The following CLEC16A variants were observed in gnomAD, a reference collection of about 807,000 sequenced individuals.
CLEC16A encodes the protein protein CLEC16A.
A neutral mutation model predicts 109.5 loss-of-function variants in CLEC16A; 51 were observed. The ratio of observed to expected loss-of-function variants is 0.47; its 90% CI spans 0.37 to 0.59. CLEC16A has a LOEUF of 0.59. CLEC16A is among the 20% of genes least tolerant of loss of function. The pLI is 0.00. For missense variants in CLEC16A, 1,339 were observed against 1,394.0 expected, an observed-to-expected ratio of 0.96 and a Z score of 0.63; for synonymous variants, 673 against 564.2, an observed-to-expected ratio of 1.19 and a Z score of -2.73.
rs1267001934 is a variant in CLEC16A, at chr16:11,181,350, C to T, written c.*2660C>T. ...CCACAGTGGGGGCTGTGGCTTCTGA[C>T]ACTCAGGTCATAGCCTCAGAGGTCT... On this transcript the variant is annotated 3_prime_UTR_variant, in exon 24 of 24. Transcript: ENST00000409790. 1 of 152,362 alleles carries T rather than the reference C, an allele frequency of 6.6e-6. No individual in the cohort carries two copies. The highest frequency in any genetic ancestry group is 2.4e-5 in the African/African-American group (1 of 41,452). The allele number at this position is 152,362 out of a possible 1,614,324, so 9.4% of individuals were successfully genotyped here.
chr16:10,978,607 C>G (rs915472696), intron 8 of CLEC16A, among the ~76,000 whole-genome samples: 1 of 152,180 alleles, frequency 6.6e-6, no homozygotes, highest in Admixed American at 6.5e-5. Flanking sequence ...AGACTCCTTT[C>G]AAAGCACGCT....
chr16:11,003,148 G>A lies in CLEC16A; in HGVS notation c.1146G>A (p.Lys382=). ...LERSLEMNKH[K]GKRRVQKRPN... ...GGTCCCTTGAGATGAACAAGCACAA[G>A]GGCAAGAGGCGGGTGCAAAAGAGAC... Residue 382 remains lysine (K), a synonymous_variant, in exon 11 of 24, where the codon AAG becomes AAA. Transcript: ENST00000409790. 6.2e-7 allele frequency: 1 copy of A among 1,613,384 alleles called. No individual in the cohort carries two copies. Among genetic ancestry groups the A allele is most frequent in the Admixed American group, 1.7e-5 (1 of 59,946 alleles).
intron 3 of CLEC16A, among the ~76,000 whole-genome samples, chr16:10,966,549 C>T (rs778501442): frequency 6.6e-6 from 1 of 152,118 alleles, no homozygotes; most frequent in African/African-American, 2.4e-5. Context: ...GTGTTTTATA[C>T]GTAGATATAC....
chr16:11,082,789 CTT>C (rs1162217140), intron 19 of CLEC16A, among the ~76,000 whole-genome samples: 4 of 152,216 alleles, frequency 2.6e-5, no homozygotes, highest in South Asian at 2.1e-4. Flanking sequence ...AATTTTAAAA[CTT>C]CCATATTTGG....
intron 1 of CLEC16A, among the ~76,000 whole-genome samples, chr16:10,956,010 CTTGAGGCAA>C (rs1428214884): frequency 3.3e-4 from 51 of 152,348 alleles, no homozygotes; most frequent in Admixed American, 3.3e-3. Flanking sequence ...GGAAGATGCA[CTTGAGGCAA>C]GATGAAGATG....
intron 17 of CLEC16A, among the ~76,000 whole-genome samples, chr16:11,050,761 C>G (rs1315363048): frequency 6.6e-6 from 1 of 152,214 alleles, no homozygotes; most frequent in Non-Finnish European, 1.5e-5. Flanking sequence ...GATGGGCCCA[C>G]CAGCACCTGC....
At chr16:11,121,258 A>C (rs952143746) in intron 20 of CLEC16A, among the ~76,000 whole-genome samples, 2 of 152,238 alleles carry the variant, frequency 1.3e-5, no homozygotes, top group Admixed American at 1.3e-4. Flanking sequence ...CTTTGTGACT[A>C]TAGCAAGGCA....
In CLEC16A at chr16:11,126,051, A is replaced by C. The variant is rs1344355276; in HGVS notation, c.2546A>C (p.Gln849Pro). The C allele has an allele frequency of 6.2e-7, 1 of 1,613,640 alleles. No homozygotes were observed. Among genetic ancestry groups the C allele is most frequent in the East Asian group, 2.2e-5 (1 of 44,862 alleles). Residue 849 changes from glutamine (Q) to proline (P), a missense_variant, in exon 22 of 24, where the codon CAG becomes CCG. Gln to Pro is a moderately conservative substitution (Grantham distance 76). Around this residue, in one of 3 missense-constraint regions of CLEC16A, gnomAD observed 1,061 missense variants for 1,006.8 expected, o/e 1.05. Coordinates refer to ENST00000409790, the MANE Select transcript of CLEC16A (RefSeq NM_015226.3). ...GGACTCGGCTCCTCCACCTCCACTC[A>C]GCACCTGCCTTTCCGCTTCTACGAC... ...GFGLGSSTST[Q>P]HLPFRFYDQG...
chr16:11,047,214 A>G, intron 16 of CLEC16A, 78 bp from the exon 17 acceptor site: 2 of 1,247,982 alleles, frequency 1.6e-6, no homozygotes, highest in South Asian at 3.1e-5. Context: ...AAAGCCACAA[A>G]CTAGAGTTTA....
At chr16:10,979,454 TC>T in intron 9 of CLEC16A, 72 bp downstream of exon 9, 1 of 1,362,056 alleles carries the variant, frequency 7.3e-7, no homozygotes. Flanking sequence ...TTGAAGAAAA[TC>T]CCCAGGCCTT....
In CLEC16A at chr16:10,988,919, G is replaced by A. The variant is rs116441796; in HGVS notation, c.1071+5928G>A. ...TAATGACCTTAGTTCCTAAGGCTGC[G>A]CAGTGACCTTCCACCTCCTACCTGG... On this transcript the variant is annotated intron_variant, in intron 10 of 23. Coordinates refer to ENST00000409790, the MANE Select transcript of CLEC16A (RefSeq NM_015226.3). Among the ~76,000 whole-genome samples the A allele has an allele frequency of 1.6e-3, 246 of 152,260 alleles. 2 individuals carry two copies. The highest frequency in any genetic ancestry group is 5.3e-3 in the African/African-American group (219 of 41,550).
At chr16:10,986,072 C>A (rs1274125672) in intron 10 of CLEC16A, among the ~76,000 whole-genome samples, 4 of 121,178 alleles carry the variant, frequency 3.3e-5, no homozygotes, top group African/African-American at 3.3e-5. Flanking sequence ...GCTCTGTCGC[C>A]CAGGCTGGAG....
intron 19 of CLEC16A, among the ~76,000 whole-genome samples, chr16:11,074,117 C>T (rs1422893786): frequency 2.0e-5 from 3 of 152,110 alleles, no homozygotes; most frequent in African/African-American, 7.2e-5. Context: ...AATTATTTAA[C>T]CTCTCTAAGG....
intron 19 of CLEC16A, among the ~76,000 whole-genome samples, chr16:11,073,365 A>C: frequency 6.6e-6 from 1 of 151,820 alleles, no homozygotes; most frequent in East Asian, 1.9e-4. Flanking sequence ...CGATCGGGGG[A>C]TCATCAGCTC....
intron 18 of CLEC16A, among the ~76,000 whole-genome samples, chr16:11,054,870 AG>A (rs2048126461): frequency 6.6e-6 from 1 of 151,896 alleles, no homozygotes; most frequent in African/African-American, 2.4e-5. Context: ...GTTCGTTTCA[AG>A]TTTTTTGCTT....
chr16:11,071,720 G>A (rs2049082270), intron 19 of CLEC16A, among the ~76,000 whole-genome samples: 1 of 147,110 alleles, frequency 6.8e-6, no homozygotes, highest in Non-Finnish European at 1.5e-5. Context: ...TTGACTAGCT[G>A]GGACTACAGA....
chr16:11,147,938 T>G (rs1293431175), intron 22 of CLEC16A, among the ~76,000 whole-genome samples: 1 of 152,198 alleles, frequency 6.6e-6, no homozygotes, highest in Admixed American at 6.5e-5. Flanking sequence ...ACCCTTTCTC[T>G]TCCCTAAAAC....
At chr16:10,998,116 G>A (rs1012090395) in intron 10 of CLEC16A, among the ~76,000 whole-genome samples, 1 of 152,174 alleles carries the variant, frequency 6.6e-6, no homozygotes, top group African/African-American at 2.4e-5. Context: ...GATCCCTGGG[G>A]ATTCACCTTT....
At chr16:10,978,199 G>T (rs1010576184) in intron 8 of CLEC16A, among the ~76,000 whole-genome samples, 7 of 152,176 alleles carry the variant, frequency 4.6e-5, no homozygotes, top group African/African-American at 1.4e-4. Flanking sequence ...TAACATGCAG[G>T]GCCTCAGGAC....
Sources: gnomAD v4.1 joint callset for allele counts (sites outside exome capture counted in the v4.1 genomes callset) on GRCh38, gnomAD v4.1.1 for gene constraint, gnomAD v4.1.1 regional missense constraint, MANE v1.5 for transcripts, NCBI Gene and HGNC (gene_info 2026-07-23, HGNC 2026-07-21) for gene names.